ZBBX: variants seen among roughly 807,000 people sequenced by gnomAD.
The protein encoded by ZBBX is zinc finger B-box domain-containing protein 1.
ZBBX carries 101 observed loss-of-function variants against 108.5 expected under a neutral mutation model. That is an observed-to-expected ratio of 0.93 (90% CI 0.79 to 1.10). The LOEUF (loss-of-function observed/expected upper bound fraction) is 1.10, where lower values mean the gene tolerates loss of function less well. ZBBX is among the 50% of genes least tolerant of loss of function. The probability of loss-of-function intolerance (pLI) is 0.00; values close to 1 mark genes in which losing one functional copy is unlikely to be tolerated. For missense variants in ZBBX, 1,009 were observed against 941.4 expected (o/e 1.07, Z -0.94); for synonymous variants, 356 against 323.4 (o/e 1.10, Z -1.08).
At chr3:167,198,475 G>A in the ZBBX span, among the ~76,000 whole-genome samples, 8 of 152,158 alleles carry the variant, frequency 5.3e-5, no homozygotes, top group South Asian at 4.2e-4. Context: ...TAAATTTCTG[G>A]ATGGTACATT....
chr3:167,270,655 T>C (rs1178050107), intron 20 of ZBBX, among the ~76,000 whole-genome samples: 1 of 152,162 alleles, frequency 6.6e-6, no homozygotes, highest in Non-Finnish European at 1.5e-5. Context: ...GTTGCTGCTA[T>C]GGCAATATTA....
intron 9 of ZBBX, among the ~76,000 whole-genome samples, chr3:167,342,249 A>C (rs1740657760): frequency 6.6e-6 from 1 of 151,814 alleles, no homozygotes; most frequent in Admixed American, 6.6e-5. Context: ...GAAAGAAATC[A>C]TGAGATAACA....
At chr3:167,311,997 G>A (rs1229089174) in intron 16 of ZBBX, among the ~76,000 whole-genome samples, 1 of 152,144 alleles carries the variant, frequency 6.6e-6, no homozygotes, top group Non-Finnish European at 1.5e-5. Context: ...ATTTATAGTA[G>A]TTTTGTTCAT....
At chr3:167,336,212 T>C (rs545655096) in intron 9 of ZBBX, among the ~76,000 whole-genome samples, 3 of 152,242 alleles carry the variant, frequency 2.0e-5, no homozygotes, top group African/African-American at 7.2e-5. Context: ...GTTATAATAA[T>C]TGTTATAACA....
intron 1 of ZBBX, among the ~76,000 whole-genome samples, chr3:167,390,612 C>G (rs1394159270): frequency 6.6e-6 from 1 of 151,572 alleles, no homozygotes; most frequent in Non-Finnish European, 1.5e-5. Context: ...ATTGATTCTT[C>G]CTATCCATGA....
chr3:167,248,783 A>G lies in ZBBX; in HGVS notation c.2255-6140T>C, dbSNP rs1029311227. 15 of 378,924 alleles carry G rather than the reference A, an allele frequency of 4.0e-5. No individual in the cohort carries two copies. In the Admixed American group the frequency reaches 4.8e-4, roughly 12 times the overall value. 23.5% of individuals were successfully genotyped at this position (378,924 alleles called of 1,614,324 possible). On this transcript the variant is annotated intron_variant, in intron 20 of 21. Transcript: ENST00000675490. Reference sequence around the variant, plus strand: ...CATGCTTCATGGCATAAACAGGCTCAGGAAACTCAAGGTTTGCTGAAAGCA... The same window carrying G: ...CATGCTTCATGGCATAAACAGGCTCGGGAAACTCAAGGTTTGCTGAAAGCA...
intron 2 of ZBBX, among the ~76,000 whole-genome samples, chr3:167,374,682 G>A (rs942900513): frequency 2.6e-5 from 4 of 152,118 alleles, no homozygotes; most frequent in African/African-American, 9.6e-5. Context: ...GAGCTCAAAT[G>A]GTTTAGAGTC....
At chr3:167,258,898 A>C (rs570135076) in intron 20 of ZBBX, among the ~76,000 whole-genome samples, 1 of 152,178 alleles carries the variant, frequency 6.6e-6, no homozygotes, top group African/African-American at 2.4e-5. Flanking sequence ...GGATTTTAGC[A>C]TCTATGTTCA....
intron 1 of ZBBX, among the ~76,000 whole-genome samples, chr3:167,390,580 GC>G (rs1329147808): frequency 4.0e-5 from 6 of 151,834 alleles, no homozygotes; most frequent in Admixed American, 3.3e-4. Context: ...ATTAATTTGG[GC>G]AGTATGGCCA....
chr3:167,266,149 T>C (rs1576817505), intron 20 of ZBBX, among the ~76,000 whole-genome samples: 1 of 152,144 alleles, frequency 6.6e-6, no homozygotes. Flanking sequence ...GGAGGATGGG[T>C]AAATGAATGA....
chr3:167,362,005 T>C (rs772604281), intron 6 of ZBBX, among the ~76,000 whole-genome samples: 3 of 152,156 alleles, frequency 2.0e-5, no homozygotes, highest in Non-Finnish European at 4.4e-5. Context: ...CATAAAAATA[T>C]TTCAGTGAAC....
At chr3:167,266,331 C>T (rs1725467221) in intron 20 of ZBBX, among the ~76,000 whole-genome samples, 1 of 152,196 alleles carries the variant, frequency 6.6e-6, no homozygotes, top group South Asian at 2.1e-4. Flanking sequence ...TTGTGAGTCT[C>T]TCTTCAAAAG....
intron 5 of ZBBX, among the ~76,000 whole-genome samples, chr3:167,367,800 T>G (rs544798979): frequency 6.6e-6 from 1 of 151,298 alleles, no homozygotes; most frequent in South Asian, 2.1e-4. Context: ...TAGTTCTGTT[T>G]GTTATCATTT....
At chr3:167,406,014 C>T (rs35892124) in intron 1 of ZBBX, among the ~76,000 whole-genome samples, 13,453 of 152,040 alleles carry the variant, frequency 0.088, 626 homozygotes, top group Non-Finnish European at 0.11. Context: ...TGCAGTGAGC[C>T]GATAGTGCCA....
intron 20 of ZBBX, among the ~76,000 whole-genome samples, chr3:167,254,176 G>T (rs1723075682): frequency 6.6e-6 from 1 of 152,086 alleles, no homozygotes; most frequent in African/African-American, 2.4e-5. Flanking sequence ...GTTTTTCTGG[G>T]ACACACACAC....
chr3:167,252,232 G>T, intron 20 of ZBBX: 1 of 1,254,104 alleles, frequency 8.0e-7, no homozygotes, highest in Non-Finnish European at 1.0e-6. Flanking sequence ...CAGAAAACAA[G>T]TCAGAGAGGT....
At chr3:167,351,823 C>T (rs1283276815) in intron 8 of ZBBX, among the ~76,000 whole-genome samples, 1 of 152,206 alleles carries the variant, frequency 6.6e-6, no homozygotes, top group African/African-American at 2.4e-5. Context: ...TGTTCTCATG[C>T]TCTGCCACTA....
intron 20 of ZBBX, among the ~76,000 whole-genome samples, chr3:167,280,033 C>T (rs1728482247): frequency 6.6e-6 from 1 of 151,946 alleles, no homozygotes; most frequent in Non-Finnish European, 1.5e-5. Flanking sequence ...GCTGGGAAAA[C>T]TGGCTAGCCA....
intron 20 of ZBBX, among the ~76,000 whole-genome samples, chr3:167,261,773 TGCA>T (rs1724575489): frequency 2.1e-5 from 1 of 47,560 alleles, no homozygotes; most frequent in African/African-American, 1.2e-4. Flanking sequence ...GCCTCCCAAC[TGCA>T]AAAAAAAAAA....
Sources: allele counts gnomAD v4.1 joint callset (sites outside exome capture counted in the v4.1 genomes callset), GRCh38; gene constraint gnomAD v4.1.1; transcripts MANE v1.5; gene names NCBI Gene and HGNC (gene_info 2026-07-23, HGNC 2026-07-21).